The following RPTOR variants were observed in gnomAD, a reference collection of about 807,000 sequenced individuals.
RPTOR encodes the protein regulatory-associated protein of mTOR.
Under a neutral mutation model 169.9 loss-of-function variants are expected in RPTOR, and 21 were observed. The ratio of observed to expected loss-of-function variants is 0.12; its 90% CI spans 0.09 to 0.18. The LOEUF (loss-of-function observed/expected upper bound fraction) is 0.18, where lower values mean the gene tolerates loss of function less well. Among genes scored for constraint, RPTOR ranks in the 10% least tolerant of loss-of-function variants. The pLI, the probability that RPTOR is intolerant of heterozygous loss-of-function variation, is 1.00. For missense variants in RPTOR, 1,133 were observed against 1,855.9 expected (o/e 0.61, Z 7.16); for synonymous variants, 732 against 753.2 (o/e 0.97, Z 0.46).
chr17:80,956,738 G>A (rs1568009999), intron 28 of RPTOR, among the ~76,000 whole-genome samples: 1 of 152,206 alleles, frequency 6.6e-6, no homozygotes, highest in African/African-American at 2.4e-5. Flanking sequence ...GCTCTGAACG[G>A]TGGGCACCTA....
chr17:80,649,621 C>T (rs777105798), intron 3 of RPTOR, among the ~76,000 whole-genome samples: 3 of 152,152 alleles, frequency 2.0e-5, no homozygotes, highest in Non-Finnish European at 2.9e-5. Flanking sequence ...ATTTGCAGGA[C>T]GGTACAGACA....
At chr17:80,961,738 G>C (rs879005023) in intron 31 of RPTOR, 1 of 449,924 alleles carries the variant, frequency 2.2e-6, no homozygotes, top group Non-Finnish European at 4.0e-6. Flanking sequence ...GGAGGGTTCC[G>C]GGGGGAGTTG....
chr17:80,649,801 C>T (rs1365115676), intron 3 of RPTOR, among the ~76,000 whole-genome samples: 1 of 152,206 alleles, frequency 6.6e-6, no homozygotes, highest in Non-Finnish European at 1.5e-5. Context: ...TAGTGCTTCT[C>T]GCCTGAAAGC....
chr17:80,661,023 T>A (rs12947653), intron 3 of RPTOR, among the ~76,000 whole-genome samples: 26,241 of 152,146 alleles, frequency 0.17, 2,707 homozygotes, highest in East Asian at 0.24. Flanking sequence ...TTGGGCCTGC[T>A]CATCTTTCTC....
intron 4 of RPTOR, among the ~76,000 whole-genome samples, chr17:80,717,610 T>C (rs1042291072): frequency 6.6e-6 from 1 of 152,224 alleles, no homozygotes; most frequent in Non-Finnish European, 1.5e-5. Flanking sequence ...GCCGAGTCTT[T>C]CAGCCTTCAG....
chr17:80,826,526 C>T (rs1007107507), intron 9 of RPTOR, among the ~76,000 whole-genome samples: 3 of 152,254 alleles, frequency 2.0e-5, no homozygotes, highest in Non-Finnish European at 2.9e-5. Context: ...GCCTCCGGCC[C>T]AGCCCAGGTA....
At chr17:80,705,476 T>G (rs149220169) in intron 3 of RPTOR, among the ~76,000 whole-genome samples, 35 of 152,336 alleles carry the variant, frequency 2.3e-4, no homozygotes, top group Middle Eastern at 3.4e-3. Flanking sequence ...CTGAAAGATA[T>G]TCATACATCT....
chr17:80,886,732 C>T (rs1315442826), intron 17 of RPTOR, among the ~76,000 whole-genome samples: 1 of 152,198 alleles, frequency 6.6e-6, no homozygotes, highest in African/African-American at 2.4e-5. Context: ...GCCTGCACGG[C>T]TGCCTGCTGA....
chr17:80,954,872 A>G (rs1424578082), intron 28 of RPTOR, among the ~76,000 whole-genome samples: 1 of 152,122 alleles, frequency 6.6e-6, no homozygotes, highest in African/African-American at 2.4e-5. Context: ...AGCCAAGATC[A>G]CACCACTGCA....
intron 13 of RPTOR, among the ~76,000 whole-genome samples, chr17:80,874,396 C>A (rs945710853): frequency 6.6e-6 from 1 of 152,086 alleles, no homozygotes; most frequent in Non-Finnish European, 1.5e-5. Context: ...GGGGTTTCAC[C>A]GTGTTAGCCA....
intron 24 of RPTOR, among the ~76,000 whole-genome samples, chr17:80,930,412 G>GCTCATC (rs2068877378): frequency 1.1e-4 from 1 of 9,228 alleles, no homozygotes; most frequent in Admixed American, 1.2e-3. Flanking sequence ...CTCATCCCCA[G>GCTCATC]CTCATCCTCA....
At chr17:80,931,915 C>T (rs2068902022) in intron 24 of RPTOR, among the ~76,000 whole-genome samples, 2 of 142,964 alleles carry the variant, frequency 1.4e-5, no homozygotes, top group Non-Finnish European at 1.5e-5. Context: ...AAGGTGCAGA[C>T]ACACGAGGAA....
At chr17:80,604,129 AAAC>A (rs1334379799) in intron 1 of RPTOR, among the ~76,000 whole-genome samples, 5 of 152,240 alleles carry the variant, frequency 3.3e-5, no homozygotes, top group Non-Finnish European at 7.3e-5. Context: ...AAAAACCTGA[AAAC>A]AAGCGAATAT....
chr17:80,962,017 G>A (rs954433516), intron 31 of RPTOR, among the ~76,000 whole-genome samples: 1 of 152,216 alleles, frequency 6.6e-6, no homozygotes, highest in East Asian at 1.9e-4. Context: ...CCTGCTGGGG[G>A]TGGAAGGCAG....
intron 10 of RPTOR, among the ~76,000 whole-genome samples, chr17:80,846,060 T>C (rs79582711): frequency 0.071 from 10,812 of 152,234 alleles, 619 homozygotes; most frequent in East Asian, 0.28. Context: ...TCACACACCA[T>C]GACTCCCAAG....
At chr17:80,928,361 T>G (rs1270121180) in intron 24 of RPTOR, among the ~76,000 whole-genome samples, 1 of 152,246 alleles carries the variant, frequency 6.6e-6, no homozygotes, top group African/African-American at 2.4e-5. Context: ...GAACTTCTTG[T>G]TATTAGCCTG....
At chr17:80,743,422 A>G in intron 5 of RPTOR, 1 of 985,530 alleles carries the variant, frequency 1.0e-6, no homozygotes, top group Non-Finnish European at 1.2e-6. Flanking sequence ...GCCAGCATAA[A>G]GACAGGTAGG....
intron 9 of RPTOR, among the ~76,000 whole-genome samples, chr17:80,825,147 C>T (rs200408612): frequency 2.0e-5 from 3 of 148,722 alleles, no homozygotes; most frequent in East Asian, 2.0e-4. Context: ...GGCCACGTGG[C>T]GAGGCCAGTA....
intron 21 of RPTOR, among the ~76,000 whole-genome samples, chr17:80,910,294 A>G (rs2333983): frequency 0.82 from 125,230 of 152,148 alleles, 51,763 homozygotes; most frequent in Non-Finnish European, 0.86. Context: ...AGGGATCACA[A>G]GCCCGTGACA....
Sources: allele counts gnomAD v4.1 joint callset (sites outside exome capture counted in the v4.1 genomes callset), GRCh38; gene constraint gnomAD v4.1.1; transcripts MANE v1.5; gene names NCBI Gene and HGNC (gene_info 2026-07-23, HGNC 2026-07-21).